HORMAD1: variants seen among roughly 807,000 people sequenced by gnomAD.
HORMAD1 encodes the protein HORMA domain containing 1.
HORMAD1 carries 33 observed loss-of-function variants against 58.2 expected under a neutral mutation model. The observed-to-expected ratio is 0.57, with a 90% confidence interval of 0.43 to 0.76. The LOEUF (loss-of-function observed/expected upper bound fraction) is 0.76, where lower values mean the gene tolerates loss of function less well. Ranked by LOEUF, HORMAD1 falls within the 30% of genes least tolerant of loss-of-function variation. HORMAD1 has a pLI of 0.00. For missense variants in HORMAD1, 363 were observed against 462.0 expected, an observed-to-expected ratio of 0.79 and a Z score of 1.96; for synonymous variants, 137 against 144.6, an observed-to-expected ratio of 0.95 and a Z score of 0.38.
At chr1:150,710,775 G>A (rs72702558) in intron 7 of HORMAD1, among the ~76,000 whole-genome samples, 58,575 of 151,990 alleles carry the variant, frequency 0.39, 11,611 homozygotes, top group South Asian at 0.55. Flanking sequence ...GTTTTTAAAC[G>A]TCTATTTTTA....
intron 5 of HORMAD1, among the ~76,000 whole-genome samples, chr1:150,712,333 T>G (rs756661520): frequency 6.6e-6 from 1 of 152,160 alleles, no homozygotes; most frequent in Non-Finnish European, 1.5e-5. Flanking sequence ...GAGTCATCCT[T>G]GATTCTGATC....
At position 150,720,873 on chromosome 1, in the gene HORMAD1, G is replaced by T. The variant is rs1652232163; in HGVS notation, c.-103C>A. On this transcript the variant is annotated 5_prime_UTR_variant, in exon 1 of 15. Coordinates refer to ENST00000361824, the MANE Select transcript of HORMAD1 (RefSeq NM_032132.5). Reference sequence around the variant, plus strand: ...AGGCTGCACGCGCTGTGCCCGACGCGCATGCGCTTTCCTTCAACGGTCACC... The same window carrying T: ...AGGCTGCACGCGCTGTGCCCGACGCTCATGCGCTTTCCTTCAACGGTCACC... 2 of 152,242 alleles carry T rather than the reference G, an allele frequency of 1.3e-5. No individual in the cohort carries two copies. Among genetic ancestry groups the T allele is most frequent in the Admixed American group, 1.3e-4 (2 of 15,280 alleles). 9.4% of individuals were successfully genotyped at this position (152,242 alleles called of 1,614,324 possible). A position where few individuals can be genotyped will look rare whatever the true frequency, so the allele number is the denominator to read the frequency against.
At chr1:150,704,387 G>T in intron 10 of HORMAD1, 44 bp from the exon 11 acceptor site, 2 of 1,253,706 alleles carry the variant, frequency 1.6e-6, no homozygotes, top group South Asian at 1.3e-5. Flanking sequence ...TTTCAAAAAG[G>T]AACTAAAACA....
At chr1:150,714,556 C>CAA in intron 4 of HORMAD1, 59 bp downstream of exon 4, 1 of 905,278 alleles carries the variant, frequency 1.1e-6, no homozygotes, top group Non-Finnish European at 1.6e-6. Context: ...ATCCAAGGTA[C>CAA]AAAAAAAAGT....
chr1:150,715,418 G>C (rs1018171133), intron 3 of HORMAD1, among the ~76,000 whole-genome samples: 2 of 152,064 alleles, frequency 1.3e-5, no homozygotes, highest in African/African-American at 4.8e-5. Context: ...ATATCCTCAG[G>C]TACCTTAATT....
intron 13 of HORMAD1, among the ~76,000 whole-genome samples, chr1:150,701,439 G>C (rs979163841): frequency 6.6e-6 from 1 of 152,160 alleles, no homozygotes; most frequent in African/African-American, 2.4e-5. Context: ...ATAATGAGTA[G>C]TGTTCCAATA....
intron 5 of HORMAD1, among the ~76,000 whole-genome samples, chr1:150,712,284 T>C (rs1311333322): frequency 1.3e-5 from 2 of 152,176 alleles, no homozygotes; most frequent in Admixed American, 1.3e-4. Flanking sequence ...AAGAAAATCA[T>C]AGAAAATAAT....
chr1:150,704,225 G>A (rs1423233782), intron 11 of HORMAD1, 31 bp from the exon 12 acceptor site: 1 of 1,532,472 alleles, frequency 6.5e-7, no homozygotes, highest in Admixed American at 1.9e-5. Flanking sequence ...AGTTACCCGG[G>A]TATAAAATTG....
rs148759975 is a variant in HORMAD1, at chr1:150,711,564, G to C, written c.308C>G (p.Thr103Arg). 1 of 1,600,878 alleles carries C rather than the reference G, an allele frequency of 6.2e-7. No individual in the cohort carries two copies. Among genetic ancestry groups the C allele is most frequent in the Non-Finnish European group, 8.6e-7 (1 of 1,168,518 alleles). ...ACTTACCTGAGGATCTTCTGGGTTT[G>C]TGTATACCTATTTAAAAACAATTTA... The part of the protein sequence containing the change: ...YLRMVVLAVY[T>R]NPEDPQTISE... Residue 103 changes from threonine (T) to arginine (R), a missense_variant, in exon 7 of 15, where the codon ACA (threonine) becomes AGA (arginine). Coordinates refer to ENST00000361824, the MANE Select transcript of HORMAD1 (RefSeq NM_032132.5).
intron 9 of HORMAD1, among the ~76,000 whole-genome samples, chr1:150,707,454 G>C (rs1651729551): frequency 6.6e-6 from 1 of 152,084 alleles, no homozygotes; most frequent in Non-Finnish European, 1.5e-5. Context: ...TTTCCAGTTT[G>C]TTCCTATTTT....
intron 13 of HORMAD1, among the ~76,000 whole-genome samples, chr1:150,701,193 A>G (rs1209487064): frequency 1.3e-5 from 2 of 152,242 alleles, no homozygotes; most frequent in South Asian, 2.1e-4. Context: ...ATGTTACATT[A>G]CAAGGAGATC....
At position 150,700,110 on chromosome 1, in the gene HORMAD1, A is replaced by T; in HGVS notation, c.1104+2T>A. 7.1e-7 allele frequency: 1 copy of T among 1,415,960 alleles called. No individual in the cohort carries two copies. 87.7% of individuals were successfully genotyped at this position (1,415,960 alleles called of 1,614,324 possible). A position where few individuals can be genotyped will look rare whatever the true frequency, so the allele number is the denominator to read the frequency against. On this transcript the variant is annotated splice_donor_variant, in intron 14 of 14. Transcript: ENST00000361824. LOFTEE classifies it high-confidence loss of function. The stretch of plus-strand genomic sequence containing the variant: ...CAAACTATACATTATCATAAGACTT[A>T]CTATTCTCCCAGATTCATGTTGACT...
Position 150,717,081 on chromosome 1 carries a change from C to T in HORMAD1, c.178+57G>A, listed in dbSNP as rs587705787. The T allele has an allele frequency of 1.6e-4, 185 of 1,139,284 alleles. No homozygotes were observed. In the South Asian group the frequency reaches 2.5e-3, roughly 15 times the overall value. The allele number at this position is 1,139,284 out of a possible 1,614,324, so 70.6% of individuals were successfully genotyped here. A position where few individuals can be genotyped will look rare whatever the true frequency, so the allele number is the denominator to read the frequency against. ...TAAGTCAAAAATTATAGTTTTGGAG[C>T]AAGCAAAAATAAAAATACCATTTTA... On this transcript the variant is annotated intron_variant, in intron 3 of 14. Transcript: ENST00000361824.
At chr1:150,706,931 T>C (rs1651714879) in intron 9 of HORMAD1, 122 bp from the exon 10 acceptor site, 3 of 760,486 alleles carry the variant, frequency 3.9e-6, no homozygotes, top group East Asian at 2.8e-5. Flanking sequence ...AGGTAAAACA[T>C]ACGAATTACT....
chr1:150,716,168 T>A (rs1652070198), intron 3 of HORMAD1, among the ~76,000 whole-genome samples: 1 of 133,992 alleles, frequency 7.5e-6, no homozygotes, highest in African/African-American at 2.9e-5. Context: ...TTTTTTTTTT[T>A]TTTTTTTTTT....
intron 4 of HORMAD1, 119 bp from the exon 5 acceptor site, chr1:150,714,240 C>T (rs1443010241): frequency 1.7e-6 from 1 of 596,642 alleles, no homozygotes; most frequent in Non-Finnish European, 2.9e-6. Context: ...ATTAAAGCTC[C>T]CTTCTTATTA....
At chr1:150,703,525 T>G in intron 12 of HORMAD1, 132 bp from the exon 13 acceptor site, 1 of 578,914 alleles carries the variant, frequency 1.7e-6, no homozygotes, top group South Asian at 2.3e-5. Context: ...TAATTTTGAG[T>G]TGGTTCATAC....
chr1:150,703,585 T>C (rs974705267), intron 12 of HORMAD1, among the ~76,000 whole-genome samples, 192 bp from the exon 13 acceptor site: 25 of 152,170 alleles, frequency 1.6e-4, no homozygotes, highest in African/African-American at 6.0e-4. Context: ...CTTTACATAA[T>C]TGGCCAACCA....
chr1:150,709,034 T>G (rs1396008057), intron 7 of HORMAD1, 73 bp from the exon 8 acceptor site: 2 of 768,006 alleles, frequency 2.6e-6, no homozygotes, highest in Non-Finnish European at 4.7e-6. Flanking sequence ...TTCTGTTTTG[T>G]ATGACTCAAC....
Sources: gnomAD v4.1 joint callset for allele counts (sites outside exome capture counted in the v4.1 genomes callset) on GRCh38, gnomAD v4.1.1 for gene constraint, MANE v1.5 for transcripts, NCBI Gene and HGNC (gene_info 2026-07-23, HGNC 2026-07-21) for gene names.